The following DCPS variants were observed in gnomAD, a reference collection of about 807,000 sequenced individuals.
The protein encoded by DCPS is m7GpppX diphosphatase.
DCPS carries 27 observed loss-of-function variants against 34.7 expected under a neutral mutation model. The ratio of observed to expected loss-of-function variants is 0.78; its 90% confidence interval spans 0.57 to 1.07. DCPS has a LOEUF of 1.07. DCPS is among the 50% of genes least tolerant of loss of function. The pLI is 0.00. For missense variants in DCPS, 464 were observed against 436.9 expected (o/e 1.06, Z -0.55); for synonymous variants, 185 against 185.7 (o/e 1.00, Z 0.03).
In DCPS at chr11:126,316,257, C is replaced by G. The variant is rs776560639; in HGVS notation, c.376+9513C>G. ...CATCAAGCTTGTCCAACCCGCAGCC[C>G]AGGACAGCTTTGAATGCGGCCCGAC... On this transcript the variant is annotated intron_variant, in intron 2 of 5. Transcript: ENST00000263579. Among the ~76,000 whole-genome samples, 157 of 151,896 alleles carry G rather than the reference C, an allele frequency of 1.0e-3. 3 individuals carry two copies. The highest frequency in any genetic ancestry group is 3.1e-4 in the Non-Finnish European group (21 of 68,012).
Position 126,338,020 on chromosome 11 carries a change from C to T in DCPS, c.523-266C>T. The T allele has an allele frequency of 2.0e-6, 1 of 488,888 alleles. No individual in the cohort carries two copies. The highest frequency in any genetic ancestry group is 3.3e-5 in the Admixed American group (1 of 30,136). The allele number at this position is 488,888 out of a possible 1,614,324, so 30.3% of individuals were successfully genotyped here. On this transcript the variant is annotated intron_variant, in intron 3 of 5. Coordinates refer to ENST00000263579, the MANE Select transcript of DCPS (RefSeq NM_014026.6). The surrounding 1 kb of genome is among the most constrained non-coding windows in gnomAD (Gnocchi z 5.4). Reference sequence around the variant, plus strand: ...TGTGCACTATGCTGACCAGGAAGAGCCTGGCCCCTTCCAAGCTGCAGAGAC... The same window carrying T: ...TGTGCACTATGCTGACCAGGAAGAGTCTGGCCCCTTCCAAGCTGCAGAGAC...
rs569816231 is a variant in DCPS, at chr11:126,327,406, C to T, written c.377-3999C>T. Among the ~76,000 whole-genome samples, 10 of 152,312 alleles carry T rather than the reference C, an allele frequency of 6.6e-5. No homozygotes were observed. The highest frequency in any genetic ancestry group is 1.3e-4 in the Non-Finnish European group (9 of 68,030). On this transcript the variant is annotated intron_variant, in intron 2 of 5. Transcript: ENST00000263579. This position sits in a 1 kb window ranked among gnomAD's most constrained non-coding sequence, Gnocchi z 4.1. ...GCGTGCCCAGCAGGGGTGACGGTGA[C>T]GCCCATGGCCTGGCCGAGGTGGTAG... is the stretch of plus-strand genomic sequence containing the variant.
rs1004861696 is a variant in DCPS at position 126,333,422 on chromosome 11, G to A, written c.522+1872G>A. Among the ~76,000 whole-genome samples, 3 of 152,324 alleles carry A rather than the reference G, an allele frequency of 2.0e-5. No homozygotes were observed. The South Asian group carries it at 6.2e-4, about 32-fold the overall frequency. ...ACAGGGAAGATAGACTTGTAAACGG[G>A]CAATTGTGACAATGGGATAAGCACT... On this transcript the variant is annotated intron_variant, in intron 3 of 5. Transcript: ENST00000263579. The surrounding 1 kb of genome is among the most constrained non-coding windows in gnomAD (Gnocchi z 5.7).
At position 126,313,323 on chromosome 11, in the gene DCPS, C is replaced by T. The variant is rs1013798118; in HGVS notation, c.376+6579C>T. On this transcript the variant is annotated intron_variant, in intron 2 of 5. Coordinates refer to ENST00000263579, the MANE Select transcript of DCPS (RefSeq NM_014026.6). This position sits in a 1 kb window ranked among gnomAD's most constrained non-coding sequence, Gnocchi z 4.9. ...CTGTGCTATTTGCAGAGGCAAAACCCGGACCTCCTGAGGGAGGGGTGAGGA... is the reference window on the plus strand; with the variant it reads ...CTGTGCTATTTGCAGAGGCAAAACCTGGACCTCCTGAGGGAGGGGTGAGGA... Among the ~76,000 whole-genome samples, 2 of 152,140 alleles carry T rather than the reference C, an allele frequency of 1.3e-5. No individual in the cohort carries two copies. Among genetic ancestry groups the T allele is most frequent in the Non-Finnish European group, 2.9e-5 (2 of 68,026 alleles).
At position 126,348,403 on chromosome 11, in the gene DCPS, A is replaced by G. The variant is rs1951956970; in HGVS notation, c.*2790A>G. Reference sequence around the variant, plus strand: ...CTTAACTTTTCTTGTACATGGAAAGACAAGCCTCTGCTAGAGGCCTGGCAA... The same window carrying G: ...CTTAACTTTTCTTGTACATGGAAAGGCAAGCCTCTGCTAGAGGCCTGGCAA... On this transcript the variant is annotated 3_prime_UTR_variant, in exon 6 of 6. Transcript: ENST00000263579. The surrounding 1 kb of genome is among the most constrained non-coding windows in gnomAD (Gnocchi z 5.3). Among the ~76,000 whole-genome samples the G allele has an allele frequency of 6.6e-6, 1 of 152,180 alleles. No individual in the cohort carries two copies. The highest frequency in any genetic ancestry group is 1.5e-5 in the Non-Finnish European group (1 of 68,026).
At position 126,335,191 on chromosome 11, in the gene DCPS, CAG is replaced by C. The variant is rs998781050; in HGVS notation, c.523-3090_523-3089del. Reference sequence around the variant, plus strand: ...GGAAGTGCAAGGCAGCAGGCAGAAGCAGAGAGCAGGAGGTGATGAGGAAGGAG... The same window carrying C: ...GGAAGTGCAAGGCAGCAGGCAGAAGCAGAGCAGGAGGTGATGAGGAAGGAG... On this transcript the variant is annotated intron_variant, in intron 3 of 5. Coordinates refer to ENST00000263579, the MANE Select transcript of DCPS (RefSeq NM_014026.6). The surrounding 1 kb of genome is among the most constrained non-coding windows in gnomAD (Gnocchi z 4.8). Among the ~76,000 whole-genome samples, 5 of 152,236 alleles carry C rather than the reference CAG, an allele frequency of 3.3e-5. No individual in the cohort carries two copies. The highest frequency in any genetic ancestry group is 1.2e-4 in the African/African-American group (5 of 41,464).
intron 2 of DCPS, among the ~76,000 whole-genome samples, chr11:126,311,108 G>C (rs903355399): frequency 6.6e-6 from 1 of 152,214 alleles, no homozygotes; most frequent in Admixed American, 6.5e-5. Flanking sequence ...CTGCTCGTGT[G>C]AGCCACTCAT....
At chr11:126,341,207 T>A (rs1325426921) in intron 4 of DCPS, 1 of 152,232 alleles carries the variant, frequency 6.6e-6, no homozygotes, top group African/African-American at 2.4e-5. Flanking sequence ...TCTCCAACGC[T>A]CCAGCAATTC....
chr11:126,339,352 C>T (rs1357109940), intron 4 of DCPS, among the ~76,000 whole-genome samples: 1 of 151,570 alleles, frequency 6.6e-6, no homozygotes, highest in Non-Finnish European at 1.5e-5. Flanking sequence ...TGGAGAGACT[C>T]TTGTAGAGAA....
Position 126,328,254 on chromosome 11 carries a change from G to A in DCPS, c.377-3151G>A, listed in dbSNP as rs534816408. Among the ~76,000 whole-genome samples, 3 of 152,304 alleles carry A rather than the reference G, an allele frequency of 2.0e-5. No homozygotes were observed. Among genetic ancestry groups the A allele is most frequent in the South Asian group, 2.1e-4 (1 of 4,822 alleles). On this transcript the variant is annotated intron_variant, in intron 2 of 5. Transcript: ENST00000263579. This position sits in a 1 kb window ranked among gnomAD's most constrained non-coding sequence, Gnocchi z 6.6. ...AGCCTCGTAGTCCACGGCAGGAAGC[G>A]CGGGAGCTGTGGAGCAGGGGACAGT...
intron 2 of DCPS, among the ~76,000 whole-genome samples, chr11:126,324,524 C>T (rs766605429): frequency 1.7e-4 from 26 of 151,178 alleles, no homozygotes; most frequent in Admixed American, 7.9e-4. Flanking sequence ...GCGAGATCTG[C>T]GCTCATCACA....
chr11:126,331,365 G>A lies in DCPS; in HGVS notation c.377-40G>A, dbSNP rs2135327179. ...GTGGTGCCTGTGGCATAGAGAGTGG[G>A]CATTGCTTCCCTGTCACGGGCTGTG... On this transcript the variant is annotated intron_variant, in intron 2 of 5. Coordinates refer to ENST00000263579, the MANE Select transcript of DCPS (RefSeq NM_014026.6). This position sits in a 1 kb window ranked among gnomAD's most constrained non-coding sequence, Gnocchi z 7.2. 6.2e-7 allele frequency: 1 copy of A among 1,608,918 alleles called. No homozygotes were observed. The highest frequency in any genetic ancestry group is 8.5e-7 in the Non-Finnish European group (1 of 1,177,106).
intron 2 of DCPS, among the ~76,000 whole-genome samples, chr11:126,318,440 G>T (rs571081454): frequency 1.3e-5 from 2 of 152,342 alleles, no homozygotes; most frequent in South Asian, 4.1e-4. Flanking sequence ...TGGTCTCCCC[G>T]TTACCATGCA....
At chr11:126,341,379 C>T (rs1241168501) in intron 4 of DCPS, 7 of 152,370 alleles carry the variant, frequency 4.6e-5, no homozygotes, top group African/African-American at 1.7e-4. Context: ...TTTCAGATGA[C>T]TTCTCTGAGC....
rs1296637327 is a variant in DCPS at position 126,331,358 on chromosome 11, A to G, written c.377-47A>G. The G allele has an allele frequency of 6.2e-7, 1 of 1,606,172 alleles. No homozygotes were observed. Among genetic ancestry groups the G allele is most frequent in the South Asian group, 1.1e-5 (1 of 90,096 alleles). ...CCTCACCGTGGTGCCTGTGGCATAG[A>G]GAGTGGGCATTGCTTCCCTGTCACG... is the stretch of plus-strand genomic sequence containing the variant. On this transcript the variant is annotated intron_variant, in intron 2 of 5. Transcript: ENST00000263579. The surrounding 1 kb of genome is among the most constrained non-coding windows in gnomAD (Gnocchi z 7.2).
At position 126,325,455 on chromosome 11, in the gene DCPS, A is replaced by T. The variant is rs987603344; in HGVS notation, c.377-5950A>T. Among the ~76,000 whole-genome samples the T allele has an allele frequency of 3.9e-5, 6 of 152,212 alleles. No homozygotes were observed. Among genetic ancestry groups the T allele is most frequent in the African/African-American group, 1.4e-4 (6 of 41,448 alleles). On this transcript the variant is annotated intron_variant, in intron 2 of 5. Transcript: ENST00000263579. The surrounding 1 kb of genome is among the most constrained non-coding windows in gnomAD (Gnocchi z 4.3). ...GGATGGTAAAAAGAGATAAATTCTC[A>T]TCTTCCTTAATGAGAAGTCAGTAAG...
chr11:126,323,599 G>A lies in DCPS; in HGVS notation c.377-7806G>A, dbSNP rs371840503. 1.3e-5 allele frequency among the ~76,000 whole-genome samples: 2 copies of A among 151,492 alleles called. No homozygotes were observed. The highest frequency in any genetic ancestry group is 2.4e-5 in the African/African-American group (1 of 41,222). On this transcript the variant is annotated intron_variant, in intron 2 of 5. Coordinates refer to ENST00000263579, the MANE Select transcript of DCPS (RefSeq NM_014026.6). The surrounding 1 kb of genome is among the most constrained non-coding windows in gnomAD (Gnocchi z 4.4). ...CACCCAGGCTGGAGCGCAGTGGCAC[G>A]ATCACAGCTCACTGCAGCCTTGACC...
chr11:126,304,314 G>A (rs756353558), intron 1 of DCPS, 33 bp downstream of exon 1: 60 of 1,611,820 alleles, frequency 3.7e-5, no homozygotes, highest in Middle Eastern at 3.3e-4. Flanking sequence ...TGGGATGCGG[G>A]AAGCAGTGAA....
rs1951824131 is a variant in DCPS at position 126,335,274 on chromosome 11, T to A, written c.523-3012T>A. On this transcript the variant is annotated intron_variant, in intron 3 of 5. Coordinates refer to ENST00000263579, the MANE Select transcript of DCPS (RefSeq NM_014026.6). This position sits in a 1 kb window ranked among gnomAD's most constrained non-coding sequence, Gnocchi z 4.8. ...GAGAGGGTACCGAGGGAGCTGCCAA[T>A]GTCACCTACTGCAAAGAAGTCCAGC... Among the ~76,000 whole-genome samples the A allele has an allele frequency of 6.6e-6, 1 of 152,220 alleles. No homozygotes were observed. The highest frequency in any genetic ancestry group is 1.5e-5 in the Non-Finnish European group (1 of 68,040).
Sources: allele counts gnomAD v4.1 joint callset (sites outside exome capture counted in the v4.1 genomes callset), GRCh38; gene constraint gnomAD v4.1.1; non-coding constraint Gnocchi (gnomAD v3.1); transcripts MANE v1.5; gene names NCBI Gene and HGNC (gene_info 2026-07-23, HGNC 2026-07-21).